SP4: variants seen among roughly 807,000 people sequenced by gnomAD.
SP4 encodes the protein transcription factor Sp4.
Under a neutral mutation model 72.8 loss-of-function variants are expected in SP4, and 19 were observed. The observed-to-expected ratio is 0.26, with a 90% CI of 0.18 to 0.38. SP4 has a LOEUF of 0.38. Among genes scored for constraint, SP4 ranks in the 10% least tolerant of loss-of-function variants. SP4 has a pLI of 1.00. For missense variants in SP4, 1,008 were observed against 926.3 expected, an observed-to-expected ratio of 1.09 and a Z score of -1.14; for synonymous variants, 395 against 333.1, an observed-to-expected ratio of 1.19 and a Z score of -2.02.
At chr7:21,434,667 T>C (rs544611157) in intron 3 of SP4, among the ~76,000 whole-genome samples, 1 of 152,198 alleles carries the variant, frequency 6.6e-6, no homozygotes, top group Admixed American at 6.5e-5. Context: ...ATGGATATAT[T>C]GCATAGTGGA....
intron 3 of SP4, among the ~76,000 whole-genome samples, chr7:21,449,932 G>A (rs76487569): frequency 0.057 from 8,617 of 152,048 alleles, 359 homozygotes; most frequent in African/African-American, 0.12. Flanking sequence ...GCAGTGGTTC[G>A]GTTGCTAGGT....
chr7:21,443,716 G>T (rs183943114), intron 3 of SP4, among the ~76,000 whole-genome samples: 1 of 152,306 alleles, frequency 6.6e-6, no homozygotes, highest in African/African-American at 2.4e-5. Context: ...TCTAGTTGGG[G>T]ATATCTATGC....
At chr7:21,509,025 A>G (rs527697395) in intron 5 of SP4, among the ~76,000 whole-genome samples, 1 of 152,094 alleles carries the variant, frequency 6.6e-6, no homozygotes, top group Non-Finnish European at 1.5e-5. Context: ...ATAACTGTAA[A>G]TAATAATCTA....
At chr7:21,486,899 G>A (rs1381396043) in intron 5 of SP4, among the ~76,000 whole-genome samples, 1 of 152,112 alleles carries the variant, frequency 6.6e-6, no homozygotes, top group African/African-American at 2.4e-5. Context: ...CTATTTTAGA[G>A]GAGTTTGGGG....
intron 3 of SP4, among the ~76,000 whole-genome samples, chr7:21,475,604 C>T (rs1369897301): frequency 6.6e-6 from 1 of 152,060 alleles, no homozygotes; most frequent in Non-Finnish European, 1.5e-5. Flanking sequence ...GCTGGGACTA[C>T]AGGCGCCCGC....
chr7:21,447,282 C>T (rs1287817237), intron 3 of SP4, among the ~76,000 whole-genome samples: 2 of 152,180 alleles, frequency 1.3e-5, no homozygotes, highest in Non-Finnish European at 2.9e-5. Context: ...AAACCCAATA[C>T]TTTATACCAA....
chr7:21,491,583 A>C (rs942644911), intron 5 of SP4, among the ~76,000 whole-genome samples: 1 of 152,216 alleles, frequency 6.6e-6, no homozygotes, highest in Non-Finnish European at 1.5e-5. Flanking sequence ...AACTAAAAGA[A>C]AACAATATCA....
chr7:21,451,413 C>T (rs973978486), intron 3 of SP4, among the ~76,000 whole-genome samples: 3 of 152,162 alleles, frequency 2.0e-5, no homozygotes, highest in African/African-American at 7.2e-5. Context: ...TTCTGTCCTG[C>T]TCACATCTGA....
intron 5 of SP4, among the ~76,000 whole-genome samples, chr7:21,509,562 A>T (rs1381302548): frequency 6.6e-6 from 1 of 151,824 alleles, no homozygotes; most frequent in Non-Finnish European, 1.5e-5. Flanking sequence ...GTTACTTCAG[A>T]TGGATGTTTA....
chr7:21,502,748 T>A (rs1256118197), intron 5 of SP4, among the ~76,000 whole-genome samples: 1 of 152,162 alleles, frequency 6.6e-6, no homozygotes, highest in Non-Finnish European at 1.5e-5. Context: ...ACTAAAGTGT[T>A]TACTAGGGCC....
In SP4 at chr7:21,491,253, A is replaced by G. The variant is rs573775944; in HGVS notation, c.2107+9130A>G. Among the ~76,000 whole-genome samples, 4 of 152,348 alleles carry G rather than the reference A, an allele frequency of 2.6e-5. No homozygotes were observed. In the South Asian group the frequency reaches 8.3e-4, roughly 32 times the overall value. ...AGAACTAAATAGAAATTTTAGATTT[A>G]GAAAAATACAATATTAAAAGTAAGT... On this transcript the variant is annotated intron_variant, in intron 5 of 5. Coordinates refer to ENST00000222584, the MANE Select transcript of SP4 (RefSeq NM_003112.5).
At chr7:21,476,222 C>T (rs755932986) in intron 3 of SP4, among the ~76,000 whole-genome samples, 2 of 133,562 alleles carry the variant, frequency 1.5e-5, no homozygotes, top group Admixed American at 1.7e-4. Flanking sequence ...TGCAGTGAGC[C>T]GAGATCGTGC....
chr7:21,482,926 A>G, intron 5 of SP4: 1 of 201,870 alleles, frequency 5.0e-6, no homozygotes, highest in Non-Finnish European at 8.8e-6. Context: ...GTTTGAGGTT[A>G]TTGCTAGGGT....
rs1184072670 is a variant in SP4 at position 21,428,272 on chromosome 7, A to AC, written c.7+20dup. On this transcript the variant is annotated intron_variant, in intron 1 of 5. Transcript: ENST00000222584. Reference sequence around the variant, plus strand: ...GCGGGATGAGCGGTACGTATTCTCCACCCCCCTCAGTCTCCTTCGCCGCCT... The same window carrying AC: ...GCGGGATGAGCGGTACGTATTCTCCACCCCCCCTCAGTCTCCTTCGCCGCCT... 7 of 1,440,112 alleles carry AC rather than the reference A, an allele frequency of 4.9e-6. No homozygotes were observed. Among genetic ancestry groups the AC allele is most frequent in the South Asian group, 3.7e-5 (3 of 81,772 alleles). The allele number at this position is 1,440,112 out of a possible 1,614,324, so 89.2% of individuals were successfully genotyped here.
chr7:21,438,717 A>T (rs1327340434), intron 3 of SP4, among the ~76,000 whole-genome samples: 1 of 152,190 alleles, frequency 6.6e-6, no homozygotes, highest in Non-Finnish European at 1.5e-5. Flanking sequence ...ACAATTTACA[A>T]GTTTTAAATT....
chr7:21,460,917 C>G (rs919815584), intron 3 of SP4, among the ~76,000 whole-genome samples: 2 of 151,816 alleles, frequency 1.3e-5, no homozygotes, highest in African/African-American at 2.4e-5. Context: ...TTCACAATCC[C>G]TTAGCTAGAC....
intron 5 of SP4, among the ~76,000 whole-genome samples, chr7:21,491,555 C>A (rs978600016): frequency 6.6e-6 from 1 of 152,030 alleles, no homozygotes; most frequent in East Asian, 1.9e-4. Flanking sequence ...TCAGGAAGTT[C>A]GTTGAATCCC....
At chr7:21,436,533 A>T (rs1316714237) in intron 3 of SP4, among the ~76,000 whole-genome samples, 1 of 152,234 alleles carries the variant, frequency 6.6e-6, no homozygotes, top group Non-Finnish European at 1.5e-5. Context: ...GAAAGCAGAA[A>T]TATGGGTCGA....
At chr7:21,467,274 G>A (rs899038505) in intron 3 of SP4, among the ~76,000 whole-genome samples, 9 of 151,760 alleles carry the variant, frequency 5.9e-5, no homozygotes, top group Middle Eastern at 3.4e-3. Context: ...GGGAACCACT[G>A]GCTTAAAGGT....
Sources: allele counts gnomAD v4.1 joint callset (sites outside exome capture counted in the v4.1 genomes callset), GRCh38; gene constraint gnomAD v4.1.1; transcripts MANE v1.5; gene names NCBI Gene and HGNC (gene_info 2026-07-23, HGNC 2026-07-21).